SULT4A1: variants seen among roughly 807,000 people sequenced by gnomAD.
The protein encoded by SULT4A1 is sulfotransferase family 4A member 1.
Under a neutral mutation model 35.2 loss-of-function variants are expected in SULT4A1, and 11 were observed. The observed-to-expected ratio is 0.31, with a 90% CI of 0.20 to 0.52. SULT4A1 has a LOEUF of 0.52. SULT4A1 is among the 20% of genes least tolerant of loss of function. The pLI, the probability that SULT4A1 is intolerant of heterozygous loss-of-function variation, is 0.97. For synonymous variants in SULT4A1, 152 were observed against 151.8 expected, an observed-to-expected ratio of 1.00 and a Z score of -0.01; for missense variants, 271 against 383.7, an observed-to-expected ratio of 0.71 and a Z score of 2.45.
Position 43,829,218 on chromosome 22 carries a change from A to C in SULT4A1, c.604-20T>G. On this transcript the variant is annotated intron_variant, in intron 5 of 6. Transcript: ENST00000330884. ...CAGGTCCTGGAAGACAAGTGCAGAG[A>C]GCAGAGCAGCCCATCAGAGGCGGGG... is the stretch of plus-strand genomic sequence containing the variant. 1.3e-6 allele frequency: 2 copies of C among 1,535,226 alleles called. No individual in the cohort carries two copies. Among genetic ancestry groups the C allele is most frequent in the Non-Finnish European group, 1.8e-6 (2 of 1,136,864 alleles).
At position 43,825,950 on chromosome 22, in the gene SULT4A1, G is replaced by A. The variant is rs995526657; in HGVS notation, c.*51C>T. 1 of 1,561,134 alleles carries A rather than the reference G, an allele frequency of 6.4e-7. No individual in the cohort carries two copies. The highest frequency in any genetic ancestry group is 8.8e-7 in the Non-Finnish European group (1 of 1,137,402). On this transcript the variant is annotated 3_prime_UTR_variant, in exon 7 of 7. Transcript: ENST00000330884. ...ATAAATGAATGCATACAGGACTTTT[G>A]GCTAGTAGACTGTCTGGGTATTGTG...
chr22:43,828,758 G>A (rs2148276139), intron 6 of SULT4A1: 1 of 357,894 alleles, frequency 2.8e-6, no homozygotes, highest in Non-Finnish European at 5.0e-6. Context: ...CAGGCCATCT[G>A]AGTAGACTCC....
intron 1 of SULT4A1, among the ~76,000 whole-genome samples, chr22:43,845,357 G>A (rs527988363): frequency 3.9e-5 from 6 of 152,282 alleles, no homozygotes; most frequent in African/African-American, 1.4e-4. Context: ...GACCCAGCCA[G>A]CTCTGGGGGC....
At chr22:43,826,560 G>A (rs1052685953) in intron 6 of SULT4A1, 1 of 985,350 alleles carries the variant, frequency 1.0e-6, no homozygotes, top group Non-Finnish European at 1.2e-6. Flanking sequence ...CCCTTCCCAC[G>A]CCATTATCCA....
At chr22:43,853,364 A>G (rs1168163557) in intron 1 of SULT4A1, among the ~76,000 whole-genome samples, 1 of 152,262 alleles carries the variant, frequency 6.6e-6, no homozygotes, top group Non-Finnish European at 1.5e-5. Flanking sequence ...CACCCATGAC[A>G]GTGGCAGCTC....
rs111949657 is a variant in SULT4A1 at position 43,839,437 on chromosome 22, T to C, written c.382-444A>G. On this transcript the variant is annotated intron_variant, in intron 3 of 6. Transcript: ENST00000330884. ...GGTGAAACCCTGTCTCTACCAAAAATAGAAAAATTAGCCGGGTGTGGTGGC... is the reference window on the plus strand; with the variant it reads ...GGTGAAACCCTGTCTCTACCAAAAACAGAAAAATTAGCCGGGTGTGGTGGC... Among the ~76,000 whole-genome samples the C allele has an allele frequency of 1.3e-4, 20 of 152,020 alleles. 1 individual carries two copies. Among genetic ancestry groups the C allele is most frequent in the African/African-American group, 4.8e-4 (20 of 41,458 alleles).
chr22:43,833,896 C>T (rs986482877), intron 4 of SULT4A1, among the ~76,000 whole-genome samples, 162 bp from the exon 5 acceptor site: 4 of 152,320 alleles, frequency 2.6e-5, no homozygotes, highest in South Asian at 2.1e-4. Flanking sequence ...GAGGCACTCA[C>T]GTCTTGAGCC....
At chr22:43,852,804 C>T (rs1057465486) in intron 1 of SULT4A1, among the ~76,000 whole-genome samples, 7 of 150,624 alleles carry the variant, frequency 4.6e-5, no homozygotes, top group Non-Finnish European at 1.0e-4. Context: ...GAGCCCAGCT[C>T]ACAGCACCAG....
intron 1 of SULT4A1, among the ~76,000 whole-genome samples, chr22:43,846,123 C>G (rs541591079): frequency 6.6e-6 from 1 of 152,318 alleles, no homozygotes; most frequent in East Asian, 1.9e-4. Context: ...CCCTCACCAC[C>G]TGGCTCTCCC....
chr22:43,831,159 T>C (rs947101786), intron 5 of SULT4A1, among the ~76,000 whole-genome samples: 4 of 150,034 alleles, frequency 2.7e-5, no homozygotes, highest in Non-Finnish European at 1.5e-5. Flanking sequence ...CCACTTTCAC[T>C]GGGGAGCCTG....
intron 1 of SULT4A1, among the ~76,000 whole-genome samples, chr22:43,857,132 A>C (rs916690997): frequency 6.6e-6 from 1 of 152,208 alleles, no homozygotes; most frequent in Non-Finnish European, 1.5e-5. Flanking sequence ...AAAAAAACAT[A>C]ACAGAAACAT....
chr22:43,838,534 C>A (rs542419960), intron 4 of SULT4A1, among the ~76,000 whole-genome samples: 43 of 152,246 alleles, frequency 2.8e-4, no homozygotes, highest in Non-Finnish European at 5.4e-4. Flanking sequence ...CCTGGGCCTC[C>A]ATTTTTACTG....
chr22:43,837,101 T>A (rs1006143093), intron 4 of SULT4A1, among the ~76,000 whole-genome samples: 17 of 152,374 alleles, frequency 1.1e-4, no homozygotes, highest in African/African-American at 4.1e-4. Context: ...GCTTTCAGGG[T>A]TCCCGTGCAT....
At chr22:43,859,002 A>AC (rs1225366734) in intron 1 of SULT4A1, among the ~76,000 whole-genome samples, 1 of 151,966 alleles carries the variant, frequency 6.6e-6, no homozygotes, top group Non-Finnish European at 1.5e-5. Context: ...GAGAACAGCC[A>AC]CCCTGGCTTG....
chr22:43,840,168 A>T, intron 2 of SULT4A1, 143 bp from the exon 3 acceptor site: 1 of 435,118 alleles, frequency 2.3e-6, no homozygotes. Context: ...CGGCGGGTCT[A>T]GGGTAGCGGA....
intron 5 of SULT4A1, among the ~76,000 whole-genome samples, chr22:43,831,099 A>C (rs1050060515): frequency 6.6e-6 from 1 of 152,352 alleles, no homozygotes; most frequent in East Asian, 1.9e-4. Context: ...TTAAAGTTCC[A>C]GGCAGGGCTG....
chr22:43,852,431 G>A (rs1199168181), intron 1 of SULT4A1, among the ~76,000 whole-genome samples: 1 of 151,356 alleles, frequency 6.6e-6, no homozygotes, highest in Non-Finnish European at 1.5e-5. Context: ...TCCTGCCTCA[G>A]CCTCCCAAAG....
chr22:43,836,323 C>G (rs1156348728), intron 4 of SULT4A1, among the ~76,000 whole-genome samples: 2 of 142,964 alleles, frequency 1.4e-5, no homozygotes, highest in Admixed American at 1.3e-4. Context: ...CGTCCTCACA[C>G]TGCAGGTGCC....
chr22:43,848,625 G>A (rs1211673675), intron 1 of SULT4A1, among the ~76,000 whole-genome samples: 1 of 152,236 alleles, frequency 6.6e-6, no homozygotes, highest in African/African-American at 2.4e-5. Flanking sequence ...GTGGGGCCAA[G>A]GCAGGAGTGA....
Sources: gnomAD v4.1 joint callset for allele counts (sites outside exome capture counted in the v4.1 genomes callset) on GRCh38, gnomAD v4.1.1 for gene constraint, MANE v1.5 for transcripts, NCBI Gene and HGNC (gene_info 2026-07-23, HGNC 2026-07-21) for gene names.